Variants in WWOX observed in about 807,000 individuals in gnomAD.
WWOX encodes WW domain-containing oxidoreductase.
In WWOX, 69 loss-of-function variants were observed where a neutral mutation model predicts 46.2. The ratio of observed to expected loss-of-function variants is 1.49; its 90% confidence interval spans 1.23 to 1.82. The LOEUF is 1.82. Among genes scored for constraint, WWOX ranks in the 40% most tolerant of loss-of-function variants. The pLI, the probability that WWOX is intolerant of heterozygous loss-of-function variation, is 0.00. For synonymous variants in WWOX, 359 were observed against 202.6 expected (o/e 1.77, Z -6.56); for missense variants, 919 against 542.6 (o/e 1.69, Z -6.89).
chr16:78,956,815 C>G (rs762033168), intron 8 of WWOX, among the ~76,000 whole-genome samples: 4 of 152,242 alleles, frequency 2.6e-5, no homozygotes, highest in Admixed American at 2.6e-4. Flanking sequence ...CAGGAGGTCA[C>G]GAAGGCATGC....
intron 8 of WWOX, among the ~76,000 whole-genome samples, chr16:78,614,934 T>C (rs2045984699): frequency 6.6e-6 from 1 of 152,198 alleles, no homozygotes; most frequent in Non-Finnish European, 1.5e-5. Flanking sequence ...CCATAGCTCT[T>C]TGTGATGCTT....
In WWOX at chr16:78,227,098, C is replaced by G. The variant is rs140346814; in HGVS notation, c.516+62809C>G. Among the ~76,000 whole-genome samples the G allele has an allele frequency of 3.1e-3, 475 of 152,304 alleles. 5 individuals are homozygous for G. Among genetic ancestry groups the G allele is most frequent in the African/African-American group, 0.011 (456 of 41,566 alleles). On this transcript the variant is annotated intron_variant, in intron 5 of 8. Coordinates refer to ENST00000566780, the MANE Select transcript of WWOX (RefSeq NM_016373.4). ...CACTGCTCTAATCTCTTCATCTGTG[C>G]TTGCAATCACAGCCACGCGGGCTCG...
chr16:78,729,704 A>T (rs60230457), intron 8 of WWOX, among the ~76,000 whole-genome samples: 1 of 152,288 alleles, frequency 6.6e-6, no homozygotes, highest in East Asian at 1.9e-4. Flanking sequence ...GTGTGTAGGC[A>T]CCCAGTTTGT....
intron 8 of WWOX, among the ~76,000 whole-genome samples, chr16:78,453,773 T>G (rs1227408756): frequency 3.9e-5 from 6 of 152,230 alleles, no homozygotes; most frequent in Non-Finnish European, 8.8e-5. Flanking sequence ...AGATCCAGTT[T>G]TTAAACAGTG....
At chr16:78,317,479 G>T (rs1023927313) in intron 5 of WWOX, among the ~76,000 whole-genome samples, 14 of 152,162 alleles carry the variant, frequency 9.2e-5, no homozygotes. Flanking sequence ...AATGTCAACA[G>T]TATTCAGGCT....
chr16:78,513,409 A>C (rs1014945561), intron 8 of WWOX, among the ~76,000 whole-genome samples: 1 of 152,110 alleles, frequency 6.6e-6, no homozygotes, highest in Non-Finnish European at 1.5e-5. Context: ...CTGGTGGGGG[A>C]ATCAGTGAGG....
At chr16:78,403,891 A>T (rs1426467170) in intron 6 of WWOX, among the ~76,000 whole-genome samples, 2 of 152,192 alleles carry the variant, frequency 1.3e-5, no homozygotes, top group Non-Finnish European at 2.9e-5. Flanking sequence ...ACTTACTTGC[A>T]CTGCAGGTCA....
At chr16:78,708,547 A>G (rs1228420037) in intron 8 of WWOX, among the ~76,000 whole-genome samples, 2 of 152,130 alleles carry the variant, frequency 1.3e-5, no homozygotes, top group South Asian at 4.1e-4. Context: ...GCTTATCATG[A>G]CAACTGCCCT....
rs1031710475 is a variant in WWOX at position 78,422,893 on chromosome 16, T to C, written c.606-1977T>C. 2.4e-4 allele frequency among the ~76,000 whole-genome samples: 36 copies of C among 147,452 alleles called. 1 individual carries two copies. Among genetic ancestry groups the C allele is most frequent in the Non-Finnish European group, 4.6e-4 (31 of 67,256 alleles). On this transcript the variant is annotated intron_variant, in intron 6 of 8. Coordinates refer to ENST00000566780, the MANE Select transcript of WWOX (RefSeq NM_016373.4). ...CACACACACACACACACATATATTT[T>C]TTTTTTCTTTTAGATGGAGTGTCTC...
At chr16:79,133,899 G>A (rs1358783968) in intron 8 of WWOX, among the ~76,000 whole-genome samples, 2 of 152,074 alleles carry the variant, frequency 1.3e-5, no homozygotes, top group Non-Finnish European at 2.9e-5. Flanking sequence ...GATTTTTTTG[G>A]GGGCATTTGT....
chr16:78,101,202 C>G lies in WWOX; in HGVS notation c.107+1317C>G, dbSNP rs375562539. Reference sequence around the variant, plus strand: ...AGCTGGGACTACAGGCGCCCGCCACCACGCCCGGCTAAGTTTTTGTGTTTT... The same window carrying G: ...AGCTGGGACTACAGGCGCCCGCCACGACGCCCGGCTAAGTTTTTGTGTTTT... On this transcript the variant is annotated intron_variant, in intron 1 of 8. Transcript: ENST00000566780. Among the ~76,000 whole-genome samples the G allele has an allele frequency of 2.1e-4, 32 of 151,512 alleles. 2 individuals are homozygous for G. Among genetic ancestry groups the G allele is most frequent in the Admixed American group, 1.6e-3 (25 of 15,208 alleles).
At chr16:78,455,883 T>C (rs1000732222) in intron 8 of WWOX, among the ~76,000 whole-genome samples, 5 of 152,162 alleles carry the variant, frequency 3.3e-5, no homozygotes, top group African/African-American at 1.2e-4. Flanking sequence ...AACTAACTTT[T>C]ATTTTTACAT....
At chr16:78,411,103 A>G (rs1485566506) in intron 6 of WWOX, among the ~76,000 whole-genome samples, 1 of 152,140 alleles carries the variant, frequency 6.6e-6, no homozygotes, top group Non-Finnish European at 1.5e-5. Flanking sequence ...TCTCAGAAGA[A>G]TTGTCCATGA....
At chr16:78,418,084 G>A (rs996300504) in intron 6 of WWOX, among the ~76,000 whole-genome samples, 1 of 152,160 alleles carries the variant, frequency 6.6e-6, no homozygotes, top group Non-Finnish European at 1.5e-5. Context: ...ATACTGGCCG[G>A]GAACGGTGGC....
At chr16:78,554,768 G>C (rs1183125116) in intron 8 of WWOX, among the ~76,000 whole-genome samples, 1 of 152,102 alleles carries the variant, frequency 6.6e-6, no homozygotes, top group Non-Finnish European at 1.5e-5. Flanking sequence ...CTCTATTTCT[G>C]AGTCACGTGG....
intron 6 of WWOX, among the ~76,000 whole-genome samples, chr16:78,393,151 A>G (rs978020521): frequency 1.3e-5 from 2 of 152,168 alleles, no homozygotes; most frequent in East Asian, 3.9e-4. Flanking sequence ...CCATAGGAGT[A>G]TGAAGAGCTG....
At chr16:78,746,229 G>A (rs887777846) in intron 8 of WWOX, among the ~76,000 whole-genome samples, 2 of 152,238 alleles carry the variant, frequency 1.3e-5, no homozygotes, top group African/African-American at 4.8e-5. Flanking sequence ...TGAGCATGGT[G>A]GCTCACACCT....
chr16:78,980,072 A>T (rs752662446), intron 8 of WWOX, among the ~76,000 whole-genome samples: 6 of 152,172 alleles, frequency 3.9e-5, no homozygotes, highest in Non-Finnish European at 7.3e-5. Flanking sequence ...AGGTTGTAGT[A>T]AGCTGAGATT....
intron 8 of WWOX, among the ~76,000 whole-genome samples, chr16:78,471,876 A>G (rs1427330357): frequency 6.6e-6 from 1 of 151,490 alleles, no homozygotes; most frequent in Non-Finnish European, 1.5e-5. Context: ...CCAATTTGCA[A>G]TTTTTTTTTC....
Sources: allele counts gnomAD v4.1 joint callset (sites outside exome capture counted in the v4.1 genomes callset), GRCh38; gene constraint gnomAD v4.1.1; transcripts MANE v1.5; gene names NCBI Gene and HGNC (gene_info 2026-07-23, HGNC 2026-07-21).